Variants in ZSCAN25 observed in about 807,000 individuals in gnomAD.
The protein encoded by ZSCAN25 is zinc finger and SCAN domain-containing protein 25.
In ZSCAN25, 27 loss-of-function variants were observed where a neutral mutation model predicts 38.7. The ratio of observed to expected loss-of-function variants is 0.70; its 90% CI spans 0.51 to 0.96. ZSCAN25 has a LOEUF of 0.96. Among genes scored for constraint, ZSCAN25 ranks in the 40% least tolerant of loss-of-function variants. The pLI, the probability that ZSCAN25 is intolerant of heterozygous loss-of-function variation, is 0.00. For synonymous variants in ZSCAN25, 273 were observed against 277.7 expected, an observed-to-expected ratio of 0.98 and a Z score of 0.17; for missense variants, 637 against 705.9, an observed-to-expected ratio of 0.90 and a Z score of 1.11.
the ZSCAN25 span, among the ~76,000 whole-genome samples, chr7:99,719,542 T>C: frequency 3.9e-5 from 6 of 152,206 alleles, no homozygotes; most frequent in Admixed American, 1.3e-4. Flanking sequence ...ATTGGCAATA[T>C]AGGAAGGAGG....
chr7:99,714,113 A>G, the ZSCAN25 span, among the ~76,000 whole-genome samples: 9 of 152,326 alleles, frequency 5.9e-5, no homozygotes, highest in African/African-American at 2.2e-4. Context: ...ACTACACTTC[A>G]GCAGGTGGCC....
intron 4 of ZSCAN25, 165 bp downstream of exon 4, chr7:99,620,158 A>G: frequency 9.8e-7 from 1 of 1,021,816 alleles, no homozygotes; most frequent in East Asian, 2.6e-5. Flanking sequence ...GTTTTCAGCA[A>G]GAAAGGCCAT....
chr7:99,663,727 C>T, the ZSCAN25 span: 1 of 1,123,890 alleles, frequency 8.9e-7, no homozygotes, highest in African/African-American at 1.6e-5. Context: ...TATCTCAATA[C>T]TGTTTATATC....
chr7:99,642,825 C>T, the ZSCAN25 span, among the ~76,000 whole-genome samples: 1 of 152,160 alleles, frequency 6.6e-6, no homozygotes, highest in Non-Finnish European at 1.5e-5. Flanking sequence ...TCCCCCACTA[C>T]CTAGAATGGT....
chr7:99,696,262 G>A, the ZSCAN25 span, among the ~76,000 whole-genome samples: 1 of 149,352 alleles, frequency 6.7e-6, no homozygotes, highest in African/African-American at 2.5e-5. Context: ...CTTCTGCAGT[G>A]ATGATGAGAT....
At chr7:99,653,806 G>C in the ZSCAN25 span, among the ~76,000 whole-genome samples, 2 of 152,320 alleles carry the variant, frequency 1.3e-5, no homozygotes, top group African/African-American at 4.8e-5. The surrounding 1 kb of genome is among the most constrained non-coding windows in gnomAD (Gnocchi z 4.2). Flanking sequence ...TATGTACCTA[G>C]CACTTGGTGT....
At chr7:99,737,705 A>G in the ZSCAN25 span, among the ~76,000 whole-genome samples, 5 of 152,206 alleles carry the variant, frequency 3.3e-5, no homozygotes, top group Admixed American at 6.5e-5. Context: ...TCTAAGATGA[A>G]GATTTACCTG....
chr7:99,619,622 C>T lies in ZSCAN25; in HGVS notation c.16C>T (p.Pro6Ser), dbSNP rs554605817. 1.5e-4 allele frequency: 238 copies of T among 1,613,386 alleles called. 3 individuals carry two copies. The South Asian group carries it at 2.5e-3, about 17-fold the overall frequency. MLKEHPEMAEAPQQQL... is the reference protein window; with the variant it reads MLKEHSEMAEAPQQQL... ...GAGTCTGAAGATGCTTAAAGAGCAT[C>T]CAGAGATGGCGGAAGCTCCTCAGCA... Residue 6 changes from proline to serine, a missense_variant, in exon 4 of 8, where the codon CCA becomes TCA. Coordinates refer to ENST00000394152, the MANE Select transcript of ZSCAN25 (RefSeq NM_145115.3).
chr7:99,672,992 T>C, the ZSCAN25 span: 1 of 700,386 alleles, frequency 1.4e-6, no homozygotes, highest in Non-Finnish European at 1.9e-6. Flanking sequence ...GGGTGGTACA[T>C]ACGTGGGTAT....
the ZSCAN25 span, chr7:99,714,549 T>C: frequency 6.2e-7 from 1 of 1,612,292 alleles, no homozygotes; most frequent in Admixed American, 1.7e-5. Flanking sequence ...TACCACCACG[T>C]TTTACCTTTT....
chr7:99,639,592 A>G, the ZSCAN25 span, among the ~76,000 whole-genome samples: 2 of 152,236 alleles, frequency 1.3e-5, no homozygotes, highest in Non-Finnish European at 2.9e-5. Flanking sequence ...ACTTAAGGGC[A>G]TTGCAGCCAA....
chr7:99,664,259 G>A, the ZSCAN25 span, among the ~76,000 whole-genome samples: 1 of 152,226 alleles, frequency 6.6e-6, no homozygotes, highest in Non-Finnish European at 1.5e-5. Context: ...CGGCGACTGA[G>A]CAAGGGCAGG....
At chr7:99,685,118 A>C in the ZSCAN25 span, 1 of 1,535,592 alleles carries the variant, frequency 6.5e-7, no homozygotes, top group Non-Finnish European at 9.0e-7. Flanking sequence ...TTGAAGAGCA[A>C]AGCAGAAGTC....
At chr7:99,715,146 A>G in the ZSCAN25 span, among the ~76,000 whole-genome samples, 2 of 152,250 alleles carry the variant, frequency 1.3e-5, no homozygotes, top group Non-Finnish European at 2.9e-5. Context: ...AAGTTAAACA[A>G]TAAACTTTTA....
At chr7:99,726,103 C>T in the ZSCAN25 span, among the ~76,000 whole-genome samples, 398 of 152,282 alleles carry the variant, frequency 2.6e-3, 3 homozygotes, top group Middle Eastern at 0.014. Context: ...TGCCATCCTT[C>T]TTCCCAACCC....
At chr7:99,620,759 TTTTAA>T (rs1177641635) in intron 4 of ZSCAN25, 1 of 152,242 alleles carries the variant, frequency 6.6e-6, no homozygotes, top group Non-Finnish European at 1.5e-5. Context: ...TTCTTGCTCT[TTTTAA>T]TTTATTATTT....
downstream of ZSCAN25, among the ~76,000 whole-genome samples, chr7:99,632,986 G>GTTGTTTTTTTTTTTTTTTTTTTTTT (rs1808108383): frequency 1.4e-5 from 2 of 141,480 alleles, no homozygotes; most frequent in African/African-American, 5.6e-5. Context: ...TGCATTTTCT[G>GTTGTTTTTTTTTTTTTTTTTTTTTT]TTGTTTTTTT....
the ZSCAN25 span, chr7:99,713,409 A>C: frequency 1.9e-6 from 3 of 1,608,854 alleles, no homozygotes; most frequent in Non-Finnish European, 2.6e-6. Flanking sequence ...GCACATTTTC[A>C]GAACAAAACC....
the ZSCAN25 span, among the ~76,000 whole-genome samples, chr7:99,729,408 A>G: frequency 2.6e-5 from 4 of 152,080 alleles, no homozygotes; most frequent in Admixed American, 6.5e-5. Flanking sequence ...CCTGAGAAAC[A>G]TCATCCATTA....
Sources: gnomAD v4.1 joint callset for allele counts (sites outside exome capture counted in the v4.1 genomes callset) on GRCh38, gnomAD v4.1.1 for gene constraint, Gnocchi (gnomAD v3.1) non-coding constraint, MANE v1.5 for transcripts, NCBI Gene and HGNC (gene_info 2026-07-23, HGNC 2026-07-21) for gene names.